INPP4B: variants seen among roughly 807,000 people sequenced by gnomAD.
INPP4B encodes the protein inositol polyphosphate-4-phosphatase type II B.
In INPP4B, 55 loss-of-function variants were observed where a neutral mutation model predicts 122.5. The ratio of observed to expected loss-of-function variants is 0.45; its 90% CI spans 0.36 to 0.56. The LOEUF (loss-of-function observed/expected upper bound fraction) is 0.56. Among genes scored for constraint, INPP4B ranks in the 20% least tolerant of loss-of-function variants. INPP4B has a pLI of 0.00. For synonymous variants in INPP4B, 403 were observed against 388.7 expected (o/e 1.04, Z -0.43); for missense variants, 1,000 against 1,097.7 (o/e 0.91, Z 1.26).
chr4:142,559,387 A>G (rs545592906), intron 2 of INPP4B, among the ~76,000 whole-genome samples: 3 of 152,124 alleles, frequency 2.0e-5, no homozygotes, highest in Non-Finnish European at 4.4e-5. Flanking sequence ...CTTGTATTTA[A>G]TGAATCAAGA....
intron 3 of INPP4B, among the ~76,000 whole-genome samples, chr4:142,438,801 G>A (rs546151183): frequency 1.3e-5 from 2 of 152,174 alleles, no homozygotes; most frequent in Admixed American, 6.5e-5. Context: ...CAATCTACCC[G>A]TCGGACAAAG....
chr4:142,394,096 C>T (rs989029034), intron 7 of INPP4B, among the ~76,000 whole-genome samples: 9 of 152,296 alleles, frequency 5.9e-5, no homozygotes, highest in East Asian at 3.9e-4. Context: ...AATTTACATT[C>T]CCACCAACAG....
intron 2 of INPP4B, among the ~76,000 whole-genome samples, chr4:142,594,982 G>C (rs1044833361): frequency 6.8e-6 from 1 of 147,548 alleles, no homozygotes; most frequent in Non-Finnish European, 1.5e-5. Flanking sequence ...AAAAAAGAAA[G>C]GCAGAGCATG....
intron 2 of INPP4B, among the ~76,000 whole-genome samples, chr4:142,639,433 G>T (rs572690096): frequency 6.6e-6 from 1 of 152,180 alleles, no homozygotes; most frequent in South Asian, 2.1e-4. Context: ...TATTCAGATT[G>T]TCTATTTCTT....
chr4:142,257,669 A>T (rs1281175854), intron 11 of INPP4B, among the ~76,000 whole-genome samples: 1 of 152,238 alleles, frequency 6.6e-6, no homozygotes, highest in African/African-American at 2.4e-5. Context: ...GATTTCTTCA[A>T]GGAGAACTAC....
chr4:142,145,345 C>T (rs1391833058), intron 18 of INPP4B, among the ~76,000 whole-genome samples: 1 of 152,044 alleles, frequency 6.6e-6, no homozygotes, highest in Non-Finnish European at 1.5e-5. Flanking sequence ...AATATGCTAA[C>T]ATATTCCTTA....
intron 10 of INPP4B, 113 bp from the exon 11 acceptor site, chr4:142,260,677 A>G: frequency 1.5e-6 from 1 of 683,142 alleles, no homozygotes; most frequent in Non-Finnish European, 2.5e-6. Context: ...AAAGTTTTGA[A>G]TAAAATACTT....
At chr4:142,112,229 A>G (rs1056389865) in intron 22 of INPP4B, among the ~76,000 whole-genome samples, 11 of 152,348 alleles carry the variant, frequency 7.2e-5, no homozygotes, top group Non-Finnish European at 1.5e-4. Context: ...TGAGATATGT[A>G]TAAACATGAA....
At position 142,399,240 on chromosome 4, in the gene INPP4B, A is replaced by G. The variant is rs1308598324; in HGVS notation, c.372+3698T>C. ...TGAGTCGGAGTCTCGCTCTGTCACC[A>G]GGCTGGAGTGCAGTGATGTAATCTT... On this transcript the variant is annotated intron_variant, in intron 7 of 25. Coordinates refer to ENST00000262992, the MANE Select transcript of INPP4B (RefSeq NM_001101669.3). 1.0e-4 allele frequency among the ~76,000 whole-genome samples: 12 copies of G among 115,490 alleles called. No homozygotes were observed. The Admixed American group carries it at 1.6e-3, about 16-fold the overall frequency. 75.8% of individuals were successfully genotyped at this position (115,490 alleles called of 152,430 possible).
chr4:142,084,254 G>T (rs1048928400), intron 24 of INPP4B, among the ~76,000 whole-genome samples: 2 of 152,058 alleles, frequency 1.3e-5, no homozygotes, highest in Admixed American at 1.3e-4. Context: ...CTCCTGAGTG[G>T]CTGGGATTAC....
intron 7 of INPP4B, among the ~76,000 whole-genome samples, chr4:142,342,219 TA>T (rs1395847178): frequency 6.6e-6 from 1 of 152,142 alleles, no homozygotes; most frequent in African/African-American, 2.4e-5. Flanking sequence ...AAATTGGTAG[TA>T]ATTGTATTAC....
At chr4:142,522,111 C>T (rs1251574242) in intron 2 of INPP4B, among the ~76,000 whole-genome samples, 2 of 151,964 alleles carry the variant, frequency 1.3e-5, no homozygotes, top group East Asian at 1.9e-4. Context: ...GACAATATTG[C>T]CAACTTTTTT....
At chr4:142,660,594 G>A (rs1203866096) in intron 2 of INPP4B, among the ~76,000 whole-genome samples, 1 of 152,134 alleles carries the variant, frequency 6.6e-6, no homozygotes, top group East Asian at 1.9e-4. Context: ...CTGGGCCCAG[G>A]GGAAGGAAAC....
intron 5 of INPP4B, among the ~76,000 whole-genome samples, chr4:142,412,321 T>C (rs958677827): frequency 1.3e-5 from 2 of 152,154 alleles, no homozygotes; most frequent in African/African-American, 4.8e-5. Context: ...CTTTTCTATT[T>C]TTAATCTCCT....
Position 142,108,163 on chromosome 4 carries a change from A to G in INPP4B, c.2304T>C (p.Ser768=). The G allele has an allele frequency of 6.2e-7, 1 of 1,600,390 alleles. No individual in the cohort carries two copies. Among genetic ancestry groups the G allele is most frequent in the Non-Finnish European group, 8.6e-7 (1 of 1,168,672 alleles). The change falls in exon 23 of 26, where the codon AGT becomes AGC. Residue 768 remains serine, a synonymous_variant. Coordinates refer to ENST00000262992, the MANE Select transcript of INPP4B (RefSeq NM_001101669.3). The part of the protein sequence containing the change: ...ERFGDVSLQE[S]INQENFELLQ... ...GAAGTTCGAAGTTTTCCTGATTAAT[A>G]CTTTCTTGCAAAGAGACATCTCCAA...
intron 1 of INPP4B, among the ~76,000 whole-genome samples, chr4:142,818,469 G>A (rs1308994163): frequency 1.3e-5 from 2 of 151,528 alleles, no homozygotes; most frequent in Non-Finnish European, 2.9e-5. Flanking sequence ...TGTATTTCCA[G>A]TTCTATCTAT....
chr4:142,745,580 G>A (rs147948843), intron 1 of INPP4B, among the ~76,000 whole-genome samples: 1 of 151,904 alleles, frequency 6.6e-6, no homozygotes, highest in Non-Finnish European at 1.5e-5. Flanking sequence ...AAAACATTTG[G>A]TAACCCTTGG....
At chr4:142,051,372 C>T (rs940389019) in intron 25 of INPP4B, among the ~76,000 whole-genome samples, 2 of 151,900 alleles carry the variant, frequency 1.3e-5, no homozygotes, top group African/African-American at 4.8e-5. Context: ...ATACTAGATG[C>T]TGGGTTAACA....
At chr4:142,178,655 A>T (rs922864623) in intron 15 of INPP4B, among the ~76,000 whole-genome samples, 13 of 152,098 alleles carry the variant, frequency 8.5e-5, no homozygotes, top group African/African-American at 3.1e-4. Flanking sequence ...CAAGGAGAAA[A>T]ACAAGAAGGA....
Sources: allele counts gnomAD v4.1 joint callset (sites outside exome capture counted in the v4.1 genomes callset), GRCh38; gene constraint gnomAD v4.1.1; transcripts MANE v1.5; gene names NCBI Gene and HGNC (gene_info 2026-07-23, HGNC 2026-07-21).